Variants in PELI3 observed in about 807,000 individuals in gnomAD.
PELI3 encodes E3 ubiquitin-protein ligase pellino homolog 3.
A neutral mutation model predicts 35.5 loss-of-function variants in PELI3; 19 were observed. That is an observed-to-expected ratio of 0.54 (90% CI 0.37 to 0.79). The LOEUF (loss-of-function observed/expected upper bound fraction) is 0.79, where lower values mean the gene tolerates loss of function less well. PELI3 is among the 30% of genes least tolerant of loss of function. The probability of loss-of-function intolerance (pLI) is 0.00; values close to 1 mark genes in which losing one functional copy is unlikely to be tolerated. For synonymous variants in PELI3, 262 were observed against 279.2 expected, an observed-to-expected ratio of 0.94 and a Z score of 0.62; for missense variants, 490 against 661.2, an observed-to-expected ratio of 0.74 and a Z score of 2.84.
intron 7 of PELI3, chr11:66,474,821 C>T (rs1220233599): frequency 2.6e-5 from 4 of 152,174 alleles, no homozygotes; most frequent in Admixed American, 2.6e-4. Flanking sequence ...CCTCCGCCTC[C>T]TGGGTTCAAG....
At position 66,467,005 on chromosome 11, in the gene PELI3, A is replaced by G. The variant is rs1160019357; in HGVS notation, c.-24A>G. On this transcript the variant is annotated 5_prime_UTR_variant, in exon 1 of 8. Transcript: ENST00000320740. This position sits in a 1 kb window ranked among gnomAD's most constrained non-coding sequence, Gnocchi z 4.2. Reference sequence around the variant, plus strand: ...GCTAGGCGGGGAGGGAGCGGCGCCCAGCGGGGCCCGGAGCGTGGCCAGGTG... The same window carrying G: ...GCTAGGCGGGGAGGGAGCGGCGCCCGGCGGGGCCCGGAGCGTGGCCAGGTG... 6.7e-6 allele frequency: 1 copy of G among 148,226 alleles called. No individual in the cohort carries two copies. The highest frequency in any genetic ancestry group is 1.5e-5 in the Non-Finnish European group (1 of 66,752). 9.2% of individuals were successfully genotyped at this position (148,226 alleles called of 1,614,324 possible). A position where few individuals can be genotyped will look rare whatever the true frequency, so the allele number is the denominator to read the frequency against.
intron 7 of PELI3, among the ~76,000 whole-genome samples, chr11:66,475,256 G>A (rs184559985): frequency 9.9e-5 from 15 of 152,266 alleles, no homozygotes; most frequent in East Asian, 1.9e-4. Context: ...AGCATTCCCC[G>A]TTAGCTTTGA....
chr11:66,475,668 G>A lies in PELI3; in HGVS notation c.911G>A (p.Arg304His). The change falls in exon 8 of 8, where the codon CGC (arginine) becomes CAC (histidine). Residue 304 changes from arginine (R) to histidine (H), a missense_variant. Transcript: ENST00000320740. ...IDLCGATLLW[R>H]TPAGLLRAPT... ...CTGTGTGGGGCCACACTGCTGTGGCGCACACCGGCGGGGCTGCTGCGGGCT... is the reference window on the plus strand; with the variant it reads ...CTGTGTGGGGCCACACTGCTGTGGCACACACCGGCGGGGCTGCTGCGGGCT... 3.1e-6 allele frequency: 5 copies of A among 1,612,508 alleles called. No individual in the cohort carries two copies. The highest frequency in any genetic ancestry group is 4.2e-6 in the Non-Finnish European group (5 of 1,179,880).
intron 4 of PELI3, among the ~76,000 whole-genome samples, chr11:66,472,163 C>T (rs554996691): frequency 6.6e-6 from 1 of 152,020 alleles, no homozygotes. Flanking sequence ...CGTGAGCCAC[C>T]GCACCCAGCC....
chr11:66,468,226 A>G lies in PELI3; in HGVS notation c.98A>G (p.Glu33Gly). Residue 33 changes from glutamate to glycine, a missense_variant, in exon 2 of 8, where the codon GAA becomes GGA. This residue lies in a region of PELI3 where 137 missense variants were observed against 157.1 expected (regional missense o/e 0.87). Transcript: ENST00000320740. ...TCTTGCGTTCTCTCCTCTCCCGGTG[A>G]AGATGCGCAGCCAGGCGAGGAGCCC... ...KGSCVLSSPG[E>G]DAQPGEEPIK... 6.3e-7 allele frequency: 1 copy of G among 1,599,264 alleles called. No individual in the cohort carries two copies. The highest frequency in any genetic ancestry group is 8.5e-7 in the Non-Finnish European group (1 of 1,171,056).
At chr11:66,469,265 C>A (rs114615288) in intron 3 of PELI3, among the ~76,000 whole-genome samples, 2,238 of 146,480 alleles carry the variant, frequency 0.015, 63 homozygotes, top group African/African-American at 0.053. Context: ...AAAAAAAAAG[C>A]AGTAATAGTG....
chr11:66,476,384 T>C lies in PELI3; in HGVS notation c.*217T>C. ...TGCTGATGGGGCCTTCAGCACCAGC[T>C]CTGTCCTGGGTCGATGGAGGAAAGC... On this transcript the variant is annotated 3_prime_UTR_variant, in exon 8 of 8. Transcript: ENST00000320740. 1 of 602,588 alleles carries C rather than the reference T, an allele frequency of 1.7e-6. No homozygotes were observed. Among genetic ancestry groups the C allele is most frequent in the Non-Finnish European group, 2.9e-6 (1 of 343,078 alleles). 37.3% of individuals were successfully genotyped at this position (602,588 alleles called of 1,614,324 possible).
chr11:66,475,620 T>C lies in PELI3; in HGVS notation c.863T>C (p.Leu288Pro), dbSNP rs1854879759. 6.2e-7 allele frequency: 1 copy of C among 1,612,550 alleles called. No individual in the cohort carries two copies. Among genetic ancestry groups the C allele is most frequent in the Non-Finnish European group, 8.5e-7 (1 of 1,179,870 alleles). Reference protein sequence around the residue: ...GKLVENESNVLQDGSLIDLCG... With the variant: ...GKLVENESNVPQDGSLIDLCG... The stretch of plus-strand genomic sequence containing the variant: ...CAGGTGGAAAACGAGTCCAACGTGC[T>C]GCAGGACGGCTCTCTCATCGACCTG... Residue 288 changes from leucine to proline, a missense_variant, in exon 8 of 8, where the codon CTG (leucine) becomes CCG (proline). Transcript: ENST00000320740.
At chr11:66,474,055 G>T in intron 7 of PELI3, 130 bp downstream of exon 7, 2 of 1,211,104 alleles carry the variant, frequency 1.7e-6, no homozygotes, top group Non-Finnish European at 2.4e-6. Flanking sequence ...TCCATATCAG[G>T]GAATCCCAGG....
At chr11:66,471,510 G>A (rs1854715319) in intron 4 of PELI3, 139 bp downstream of exon 4, 4 of 1,206,236 alleles carry the variant, frequency 3.3e-6, no homozygotes, top group Non-Finnish European at 4.6e-6. Context: ...ACTGCTTATT[G>A]GGCCATCCGA....
At chr11:66,470,176 G>T (rs991719350) in intron 3 of PELI3, among the ~76,000 whole-genome samples, 5 of 152,120 alleles carry the variant, frequency 3.3e-5, no homozygotes, top group Non-Finnish European at 1.5e-5. Flanking sequence ...TCTTTGTCCT[G>T]TCACTTCCTG....
intron 3 of PELI3, among the ~76,000 whole-genome samples, chr11:66,470,418 C>T (rs1262477838): frequency 2.6e-5 from 4 of 152,196 alleles, no homozygotes; most frequent in East Asian, 1.9e-4. Context: ...CACCTACTAG[C>T]CAGAGGCAAG....
Position 66,473,484 on chromosome 11 carries a change from G to A in PELI3, c.651+49G>A. On this transcript the variant is annotated intron_variant, in intron 6 of 7. Coordinates refer to ENST00000320740, the MANE Select transcript of PELI3 (RefSeq NM_145065.3). This position sits in a 1 kb window ranked among gnomAD's most constrained non-coding sequence, Gnocchi z 5.8. ...CAACTCTTCATCTGTGAGGCAAGGG[G>A]TAGGCTTGGGAGGTGCAGCATCTTG... 1 of 1,554,184 alleles carries A rather than the reference G, an allele frequency of 6.4e-7. No individual in the cohort carries two copies. The highest frequency in any genetic ancestry group is 8.7e-7 in the Non-Finnish European group (1 of 1,144,342).
rs763964700 is a variant in PELI3 at position 66,472,434 on chromosome 11, G to C, written c.420G>C (p.Val140=). 2.2e-5 allele frequency: 35 copies of C among 1,613,990 alleles called. No homozygotes were observed. The South Asian group carries it at 2.3e-4, about 11-fold the overall frequency. Residue 140 remains valine, a synonymous_variant, in exon 5 of 8, where the codon GTG becomes GTC. Transcript: ENST00000320740. ...TGTCCCGGAGCCACTCGGTCATAGTGGAGTATACACATGATAGCGACACAG... is the reference window on the plus strand; with the variant it reads ...TGTCCCGGAGCCACTCGGTCATAGTCGAGTATACACATGATAGCGACACAG... ...YTLSRSHSVI[V]EYTHDSDTDM...
At chr11:66,470,010 G>A (rs1261628984) in intron 3 of PELI3, among the ~76,000 whole-genome samples, 2 of 152,008 alleles carry the variant, frequency 1.3e-5, no homozygotes, top group Non-Finnish European at 2.9e-5. Context: ...ATGTTGGCCA[G>A]GCTGGTCTTG....
intron 7 of PELI3, chr11:66,474,194 G>GC: frequency 1.6e-6 from 1 of 643,862 alleles, no homozygotes; most frequent in Non-Finnish European, 2.8e-6. Flanking sequence ...GACATACTGT[G>GC]CAGTCCCAGG....
At chr11:66,475,483 TCTGCCCTGC>T (rs1170399129) in intron 7 of PELI3, 106 bp from the exon 8 acceptor site, 3 of 1,171,780 alleles carry the variant, frequency 2.6e-6, no homozygotes, top group Non-Finnish European at 2.4e-6. Flanking sequence ...GCCTTGCTCC[TCTGCCCTGC>T]CTGCCCTGCC....
rs147482047 is a variant in PELI3 at position 66,468,904 on chromosome 11, G to T, written c.224G>T (p.Cys75Phe). The part of the protein sequence containing the change: ...GEVTGPRAHS[C>F]YNGCLASGDK... The stretch of plus-strand genomic sequence containing the variant: ...GTGACTGGCCCAAGGGCACACAGCT[G>T]GTAAGTGGCAGGGCTGGGATTTGGA... The change falls in exon 3 of 8, where the codon TGC becomes TTC. Residue 75 changes from cysteine to phenylalanine, a missense_variant and splice_region_variant. Transcript: ENST00000320740. 1.3e-6 allele frequency: 1 copy of T among 767,166 alleles called. No homozygotes were observed. The highest frequency in any genetic ancestry group is 1.4e-5 in the South Asian group (1 of 72,936). The allele number at this position is 767,166 out of a possible 1,614,324, so 47.5% of individuals were successfully genotyped here. A position where few individuals can be genotyped will look rare whatever the true frequency, so the allele number is the denominator to read the frequency against.
upstream of PELI3, chr11:66,466,533 A>G (rs968497386): frequency 6.6e-6 from 1 of 152,228 alleles, no homozygotes; most frequent in Non-Finnish European, 1.5e-5. Flanking sequence ...GCCCTGACCG[A>G]CAGTGGGGAG....
Sources: gnomAD v4.1 joint callset for allele counts (sites outside exome capture counted in the v4.1 genomes callset) on GRCh38, gnomAD v4.1.1 for gene constraint, gnomAD v4.1.1 regional missense constraint, Gnocchi (gnomAD v3.1) non-coding constraint, MANE v1.5 for transcripts, NCBI Gene and HGNC (gene_info 2026-07-23, HGNC 2026-07-21) for gene names.